Variants in KDM5D observed in about 807,000 individuals in gnomAD.
KDM5D encodes lysine-specific demethylase 5D.
In KDM5D, 25 loss-of-function variants were observed where a neutral mutation model predicts 31.9. The ratio of observed to expected loss-of-function variants is 0.78; its 90% CI spans 0.57 to 1.09. The LOEUF (loss-of-function observed/expected upper bound fraction) is 1.09. Among genes scored for constraint, KDM5D ranks in the 50% least tolerant of loss-of-function variants. The pLI is 0.00. For missense variants in KDM5D, 366 were observed against 341.6 expected (o/e 1.07, Z -0.56); for synonymous variants, 146 against 122.3 (o/e 1.19, Z -1.28).
In KDM5D at chrY:19,744,388, G is replaced by T; in HGVS notation, c.147C>A (p.Pro49=). The T allele has an allele frequency of 2.6e-6, 1 of 388,868 alleles. No individual in the cohort carries two copies. Among genetic ancestry groups the T allele is most frequent in the Non-Finnish European group, 3.6e-6 (1 of 277,752 alleles). ...AAATTTTGTTTCAAAGACTTACCGCGGGTGGGCGGATTTTGCAGATGCCAG... is the reference window on the plus strand; with the variant it reads ...AAATTTTGTTTCAAAGACTTACCGCTGGTGGGCGGATTTTGCAGATGCCAG... ...EKSGICKIRP[P]ADWQPPFAVE... Residue 49 remains proline (P), a synonymous_variant, in exon 2 of 27, where the codon CCC becomes CCA. Coordinates refer to ENST00000317961, the MANE Select transcript of KDM5D (RefSeq NM_004653.5).
chrY:19,728,738 CAT>C (rs2045451739), intron 11 of KDM5D, among the ~76,000 whole-genome samples: 2 of 33,039 alleles, frequency 6.1e-5, no homozygotes, highest in Non-Finnish European at 1.5e-4. Context: ...AAGAAAAAAT[CAT>C]GTGTGGATAA....
In KDM5D at chrY:19,706,457, A is replaced by C; in HGVS notation, c.4253T>G (p.Ile1418Ser). 2.5e-6 allele frequency: 1 copy of C among 398,081 alleles called. No individual in the cohort carries two copies. Among genetic ancestry groups the C allele is most frequent in the Non-Finnish European group, 3.5e-6 (1 of 283,305 alleles). Residue 1418 changes from isoleucine (I) to serine (S), a missense_variant, in exon 26 of 27, where the codon ATT (isoleucine) becomes AGT (serine). Coordinates refer to ENST00000317961, the MANE Select transcript of KDM5D (RefSeq NM_004653.5). ...QAGQPPDLDR[I>S]RTLLELEKFE... ...GCTTCCTACCTCCAGAAGTGTGCGA[A>C]TTCTGTCCAGGTCTGGAGGCTGTCC...
At chrY:19,712,559 C>A (rs1052929446) in intron 18 of KDM5D, among the ~76,000 whole-genome samples, 2 of 34,438 alleles carry the variant, frequency 5.8e-5, no homozygotes, top group Non-Finnish European at 1.5e-4. Flanking sequence ...AGAATATACT[C>A]CTACTATAAA....
In KDM5D at chrY:19,741,766, C is replaced by T; in HGVS notation, c.320G>A (p.Arg107Gln). The T allele has an allele frequency of 5.1e-6, 2 of 390,338 alleles. No homozygotes were observed. The highest frequency in any genetic ancestry group is 7.2e-6 in the Non-Finnish European group (2 of 276,076). Reference sequence around the variant, plus strand: ...AAGGCTGTAGAGGTCCAAGATCTTCCGCTCCACATTGGGAATCTTTAAAGA... The same window carrying T: ...AAGGCTGTAGAGGTCCAAGATCTTCTGCTCCACATTGGGAATCTTTAAAGA... ...GSSLKIPNVERKILDLYSLSK... is the reference protein window; with the variant it reads ...GSSLKIPNVEQKILDLYSLSK... The change falls in exon 4 of 27, where the codon CGG (arginine) becomes CAG (glutamine). Residue 107 changes from arginine to glutamine, a missense_variant. By Grantham distance (43) the Arg-to-Gln change is conservative (BLOSUM62 1). Coordinates refer to ENST00000317961, the MANE Select transcript of KDM5D (RefSeq NM_004653.5).
At chrY:19,708,154 T>TA in intron 22 of KDM5D, 83 bp from the exon 23 acceptor site, 4 of 367,541 alleles carry the variant, frequency 1.1e-5, no homozygotes, top group South Asian at 3.3e-5. Context: ...AGGTGCCCAC[T>TA]AAAAAAATCT....
chrY:19,708,821 A>G, intron 21 of KDM5D, 54 bp downstream of exon 21: 1 of 361,181 alleles, frequency 2.8e-6, no homozygotes. Flanking sequence ...AAGTATATCT[A>G]TCTCTCTTCT....
intron 13 of KDM5D, among the ~76,000 whole-genome samples, chrY:19,719,198 C>T: frequency 3.0e-5 from 1 of 33,000 alleles, no homozygotes; most frequent in African/African-American, 1.2e-4. Context: ...AAGTATAGCC[C>T]TTCGGTTAAA....
Position 19,709,584 on chromosome Y carries a change from T to G in KDM5D, c.2809A>C (p.Met937Leu), listed in dbSNP as rs1443079914. Residue 937 changes from methionine (M) to leucine (L), a missense_variant, in exon 20 of 27, where the codon ATG (methionine) becomes CTG (leucine). By Grantham distance (15) the Met-to-Leu change is conservative. Coordinates refer to ENST00000317961, the MANE Select transcript of KDM5D (RefSeq NM_004653.5). Reference protein sequence around the residue: ...PSAHRGSLVIMQGLLVMGAKI... With the variant: ...PSAHRGSLVILQGLLVMGAKI... ...GCACCCATAACCAAAAGCCCCTGCA[T>G]GATGACCAGAGAGCCCCTGTGAGCA... 7.5e-6 allele frequency: 3 copies of G among 398,768 alleles called. No homozygotes were observed. The Admixed American group carries it at 2.2e-4, about 29-fold the overall frequency.
intron 6 of KDM5D, among the ~76,000 whole-genome samples, chrY:19,738,448 G>A (rs2045524463): frequency 3.0e-5 from 1 of 33,312 alleles, no homozygotes; most frequent in East Asian, 7.8e-4. Flanking sequence ...GAATTATCCA[G>A]AAAACACCTA....
chrY:19,709,453 G>A lies in KDM5D; in HGVS notation c.2940C>T (p.Ala980=). The change falls in exon 20 of 27, where the codon GCC becomes GCT. Residue 980 remains alanine, a splice_region_variant and synonymous_variant. Transcript: ENST00000317961. The part of the protein sequence containing the change: ...WEEKAHFCLE[A]RQKHPPATLE... Reference sequence around the variant, plus strand: ...GACAGGGAGAGACTACGCCCCACCTGGCCTCCAGGCAGAAATGAGCCTTTT... The same window carrying A: ...GACAGGGAGAGACTACGCCCCACCTAGCCTCCAGGCAGAAATGAGCCTTTT... 2.5e-6 allele frequency: 1 copy of A among 398,524 alleles called. No individual in the cohort carries two copies. The highest frequency in any genetic ancestry group is 3.5e-6 in the Non-Finnish European group (1 of 283,292).
Position 19,704,142 on chromosome Y carries a change from G to C in KDM5D, c.*1853C>G. The C allele has an allele frequency of 6.0e-5, 2 of 33,588 alleles. No homozygotes were observed. Among genetic ancestry groups the C allele is most frequent in the Admixed American group, 5.4e-4 (2 of 3,694 alleles). 8.4% of individuals were successfully genotyped at this position (33,588 alleles called of 400,897 possible). Reference sequence around the variant, plus strand: ...GCCCCAATTAGGGGAGGCAACCTAAGAAAGGTGTACAACTGTCCTGACATT... The same window carrying C: ...GCCCCAATTAGGGGAGGCAACCTAACAAAGGTGTACAACTGTCCTGACATT... On this transcript the variant is annotated 3_prime_UTR_variant, in exon 27 of 27. Coordinates refer to ENST00000317961, the MANE Select transcript of KDM5D (RefSeq NM_004653.5).
chrY:19,739,697 A>G, intron 5 of KDM5D, 35 bp from the exon 6 acceptor site: 1 of 338,164 alleles, frequency 3.0e-6, no homozygotes, highest in Non-Finnish European at 4.2e-6. Flanking sequence ...TCAGAAATTG[A>G]GTCATATTTG....
At chrY:19,719,027 G>A (rs2045370290) in intron 13 of KDM5D, among the ~76,000 whole-genome samples, 1 of 30,995 alleles carries the variant, frequency 3.2e-5, no homozygotes, top group African/African-American at 1.3e-4. Flanking sequence ...AAAATTAGCC[G>A]GGCGTAGTGG....
chrY:19,706,859 T>C lies in KDM5D; in HGVS notation c.4004A>G (p.Gln1335Arg). The C allele has an allele frequency of 2.5e-6, 1 of 395,231 alleles. No homozygotes were observed. The highest frequency in any genetic ancestry group is 3.6e-6 in the Non-Finnish European group (1 of 280,430). Reference sequence around the variant, plus strand: ...ACTGTCTCCATTCTCCAGCAGCCCTTGGACCTATCGGAAAAAAAGAATGGG... The same window carrying C: ...ACTGTCTCCATTCTCCAGCAGCCCTCGGACCTATCGGAAAAAAAGAATGGG... ...EGSGNNISKV[Q>R]GLLENGDSVT... is the part of the protein sequence containing the mutation. Residue 1335 changes from glutamine to arginine, a missense_variant, in exon 25 of 27, where the codon CAA (glutamine) becomes CGA (arginine). Transcript: ENST00000317961.
intron 18 of KDM5D, chrY:19,715,029 G>C (rs2045324419): frequency 1.1e-5 from 1 of 92,452 alleles, no homozygotes; most frequent in Non-Finnish European, 2.2e-5. Context: ...ATATCTTATT[G>C]CCACATTATT....
At chrY:19,729,039 C>G in intron 11 of KDM5D, among the ~76,000 whole-genome samples, 1 of 30,673 alleles carries the variant, frequency 3.3e-5, no homozygotes, top group Non-Finnish European at 7.9e-5. Flanking sequence ...TGGCGAAACC[C>G]CATCTCCACT....
chrY:19,728,246 C>T, intron 11 of KDM5D, among the ~76,000 whole-genome samples: 3 of 33,991 alleles, frequency 8.8e-5, no homozygotes, highest in African/African-American at 3.4e-4. Flanking sequence ...AAAGCCAAAA[C>T]AGATTTCTAA....
intron 11 of KDM5D, among the ~76,000 whole-genome samples, chrY:19,728,050 A>T: frequency 6.0e-5 from 2 of 33,240 alleles, no homozygotes; most frequent in Non-Finnish European, 1.5e-4. Context: ...AGAATTTTTC[A>T]GAAGTGGTAA....
chrY:19,733,724 A>C, intron 8 of KDM5D, among the ~76,000 whole-genome samples: 1 of 30,077 alleles, frequency 3.3e-5, no homozygotes, highest in African/African-American at 1.3e-4. Context: ...TAAAAAAAAA[A>C]AACTAGCAGG....
Sources: gnomAD v4.1 joint callset for allele counts (sites outside exome capture counted in the v4.1 genomes callset) on GRCh38, gnomAD v4.1.1 for gene constraint, MANE v1.5 for transcripts, NCBI Gene and HGNC (gene_info 2026-07-23, HGNC 2026-07-21) for gene names.